The following TYW1 variants were observed in gnomAD, a reference collection of about 807,000 sequenced individuals.
TYW1 encodes the protein S-adenosyl-L-methionine-dependent tRNA 4-demethylwyosine synthase TYW1.
A neutral mutation model predicts 96.2 loss-of-function variants in TYW1; 46 were observed. The ratio of observed to expected loss-of-function variants is 0.48; its 90% CI spans 0.38 to 0.61. The LOEUF (loss-of-function observed/expected upper bound fraction) is 0.61, where lower values mean the gene tolerates loss of function less well. Among genes scored for constraint, TYW1 ranks in the 20% least tolerant of loss-of-function variants. The pLI is 0.00. For synonymous variants in TYW1, 274 were observed against 323.0 expected, an observed-to-expected ratio of 0.85 and a Z score of 1.63; for missense variants, 684 against 909.6, an observed-to-expected ratio of 0.75 and a Z score of 3.19.
chr7:67,035,513 T>G (rs139560566), intron 7 of TYW1, among the ~76,000 whole-genome samples: 29 of 152,266 alleles, frequency 1.9e-4, no homozygotes, highest in African/African-American at 6.3e-4. Context: ...AGCTACAGAT[T>G]TGTTGCGGTC....
At chr7:67,092,107 T>G (rs568629282) in intron 11 of TYW1, among the ~76,000 whole-genome samples, 20 of 152,208 alleles carry the variant, frequency 1.3e-4, no homozygotes, top group Non-Finnish European at 2.8e-4. Context: ...GGCAGCCATG[T>G]TGCTGGAGCC....
chr7:67,157,147 C>G (rs11771226), intron 13 of TYW1, among the ~76,000 whole-genome samples: 39,112 of 151,536 alleles, frequency 0.26, 5,527 homozygotes, highest in African/African-American at 0.37. Flanking sequence ...TCTCCTATGA[C>G]AGTTTTAGAT....
intron 13 of TYW1, among the ~76,000 whole-genome samples, chr7:67,140,509 A>G (rs2116109783): frequency 6.6e-6 from 1 of 152,342 alleles, no homozygotes; most frequent in Admixed American, 6.5e-5. Context: ...ACTACTGCCA[A>G]TCATTAAATA....
intron 13 of TYW1, among the ~76,000 whole-genome samples, chr7:67,157,045 C>G (rs1799001027): frequency 6.6e-6 from 1 of 152,036 alleles, no homozygotes. Flanking sequence ...CTTAGATGCT[C>G]TTTTCGAGGT....
intron 3 of TYW1, among the ~76,000 whole-genome samples, chr7:66,999,920 A>G (rs1336734012): frequency 6.6e-6 from 1 of 151,022 alleles, no homozygotes; most frequent in African/African-American, 2.4e-5. Context: ...ATGTACTTTG[A>G]TTTCTCCTTT....
chr7:67,042,744 C>T (rs1220022776), intron 7 of TYW1, among the ~76,000 whole-genome samples: 3 of 152,074 alleles, frequency 2.0e-5, no homozygotes, highest in Non-Finnish European at 4.4e-5. Flanking sequence ...TGCCTGTAAT[C>T]CCAGAGCTTT....
At chr7:67,012,283 G>A (rs1299331040) in intron 4 of TYW1, among the ~76,000 whole-genome samples, 1 of 152,098 alleles carries the variant, frequency 6.6e-6, no homozygotes, top group Non-Finnish European at 1.5e-5. Context: ...GGGAGGTGGA[G>A]GTTGCAGTGA....
chr7:67,134,601 C>T (rs1236210228), intron 13 of TYW1, among the ~76,000 whole-genome samples: 3 of 151,504 alleles, frequency 2.0e-5, no homozygotes, highest in Non-Finnish European at 4.4e-5. Context: ...TGAACCTTAG[C>T]AGGGTGCATG....
At chr7:67,168,591 CTT>C (rs1431443262) in intron 13 of TYW1, among the ~76,000 whole-genome samples, 1 of 152,150 alleles carries the variant, frequency 6.6e-6, no homozygotes, top group Non-Finnish European at 1.5e-5. Flanking sequence ...TTCAAAATGA[CTT>C]TGTGTAACTG....
chr7:67,102,889 T>A (rs1410969752), intron 12 of TYW1, among the ~76,000 whole-genome samples: 1 of 152,196 alleles, frequency 6.6e-6, no homozygotes, highest in Non-Finnish European at 1.5e-5. Flanking sequence ...GACCTCGTAA[T>A]CCGCCCGCCT....
intron 15 of TYW1, among the ~76,000 whole-genome samples, chr7:67,227,241 C>T (rs1801590527): frequency 6.6e-6 from 1 of 150,580 alleles, no homozygotes; most frequent in Non-Finnish European, 1.5e-5. Context: ...CCTTAGGCCA[C>T]ACCAGATATT....
At chr7:67,221,580 CTTCT>C (rs1801392479) in intron 15 of TYW1, among the ~76,000 whole-genome samples, 8 of 152,296 alleles carry the variant, frequency 5.3e-5, no homozygotes, top group Admixed American at 5.2e-4. Flanking sequence ...TGAATATTGT[CTTCT>C]TTGTGTTGAG....
chr7:67,069,754 AAAAC>A lies in TYW1; in HGVS notation c.1274+2357_1274+2360del, dbSNP rs567099997. 1.6e-4 allele frequency among the ~76,000 whole-genome samples: 25 copies of A among 152,310 alleles called. No homozygotes were observed. The East Asian group carries it at 3.5e-3, about 21-fold the overall frequency. ...ACCCTGTCTCAAAACAAACAAATGA[AAAAC>A]AAACACAAACAAAAATCCAAAAATA... is the stretch of plus-strand genomic sequence containing the variant. On this transcript the variant is annotated intron_variant, in intron 10 of 15. Transcript: ENST00000359626.
chr7:67,113,498 C>T (rs561640947), intron 12 of TYW1, among the ~76,000 whole-genome samples: 10 of 152,232 alleles, frequency 6.6e-5, no homozygotes, highest in East Asian at 3.9e-4. Flanking sequence ...TACATGTAAC[C>T]GCTGTGACTT....
chr7:67,045,194 C>T (rs956589894), intron 7 of TYW1, among the ~76,000 whole-genome samples: 2 of 151,686 alleles, frequency 1.3e-5, no homozygotes, highest in African/African-American at 4.9e-5. Context: ...TAAGTGGTAT[C>T]GTATGATTTT....
intron 13 of TYW1, among the ~76,000 whole-genome samples, chr7:67,167,758 AT>A (rs1455623794): frequency 6.6e-6 from 1 of 151,524 alleles, no homozygotes; most frequent in Non-Finnish European, 1.5e-5. Flanking sequence ...ATTTATTTAT[AT>A]TTATTGATTG....
At chr7:67,145,673 C>A (rs1798587809) in intron 13 of TYW1, among the ~76,000 whole-genome samples, 1 of 152,058 alleles carries the variant, frequency 6.6e-6, no homozygotes, top group South Asian at 2.1e-4. Flanking sequence ...TCATTTTTTT[C>A]TGAATGCCTT....
At chr7:67,015,977 A>G (rs562430147) in intron 5 of TYW1, among the ~76,000 whole-genome samples, 1 of 151,500 alleles carries the variant, frequency 6.6e-6, no homozygotes, top group Non-Finnish European at 1.5e-5. Context: ...AAAAAAAAAG[A>G]TCATGAATTT....
At chr7:67,117,740 A>G (rs2115978958) in intron 13 of TYW1, 122 bp downstream of exon 13, 1 of 1,287,968 alleles carries the variant, frequency 7.8e-7, no homozygotes, top group African/African-American at 1.5e-5. Context: ...TTAAAATAAA[A>G]AAAGATGAAA....
Sources: gnomAD v4.1 joint callset for allele counts (sites outside exome capture counted in the v4.1 genomes callset) on GRCh38, gnomAD v4.1.1 for gene constraint, MANE v1.5 for transcripts, NCBI Gene and HGNC (gene_info 2026-07-23, HGNC 2026-07-21) for gene names.